ZFAND6: variants seen among roughly 807,000 people sequenced by gnomAD.
ZFAND6 encodes zinc finger AN1-type containing 6, also known as AN1-type zinc finger protein 6.
In ZFAND6, 12 loss-of-function variants were observed where a neutral mutation model predicts 24.5. That is an observed-to-expected ratio of 0.49 (90% confidence interval 0.31 to 0.79). The LOEUF (loss-of-function observed/expected upper bound fraction) is 0.79. Ranked by LOEUF, ZFAND6 falls within the 30% of genes least tolerant of loss-of-function variation. ZFAND6 has a pLI of 0.04. For missense variants in ZFAND6, 207 were observed against 245.9 expected, an observed-to-expected ratio of 0.84 and a Z score of 1.06; for synonymous variants, 92 against 81.5, an observed-to-expected ratio of 1.13 and a Z score of -0.69.
chr15:80,119,178 A>G (rs1223693418), intron 2 of ZFAND6, among the ~76,000 whole-genome samples: 3 of 152,178 alleles, frequency 2.0e-5, no homozygotes, highest in African/African-American at 7.2e-5. Context: ...CATCTGCTGT[A>G]ATTGATTATT....
chr15:80,126,674 A>G (rs1276417271), intron 5 of ZFAND6, among the ~76,000 whole-genome samples: 3 of 152,234 alleles, frequency 2.0e-5, no homozygotes, highest in African/African-American at 7.2e-5. Flanking sequence ...CGAATATAAG[A>G]GAACTATAAA....
At chr15:80,137,368 T>C in intron 6 of ZFAND6, 112 bp from the exon 7 acceptor site, 1 of 1,185,114 alleles carries the variant, frequency 8.4e-7, no homozygotes, top group Non-Finnish European at 1.2e-6. Context: ...TTTAGAATGA[T>C]TCTTTAGTTT....
rs1196911760 is a variant in ZFAND6 at position 80,121,692 on chromosome 15, G to T, written c.155-20G>T. On this transcript the variant is annotated intron_variant, in intron 3 of 6. Coordinates refer to ENST00000261749, the MANE Select transcript of ZFAND6 (RefSeq NM_019006.4). ...GCTGAGCATATAGAATCACTAATAC[G>T]CAATGTGGTACTGTTACAGCAACCT... 5.6e-6 allele frequency: 9 copies of T among 1,598,428 alleles called. No homozygotes were observed. The highest frequency in any genetic ancestry group is 2.7e-5 in the African/African-American group (2 of 74,556).
At chr15:80,063,112 A>C (rs2036423157) in intron 1 of ZFAND6, among the ~76,000 whole-genome samples, 1 of 152,178 alleles carries the variant, frequency 6.6e-6, no homozygotes, top group Non-Finnish European at 1.5e-5. Context: ...GAAACCTCTT[A>C]CTGTGGCTTA....
chr15:80,104,691 G>A (rs548644039), intron 2 of ZFAND6, among the ~76,000 whole-genome samples: 4 of 152,156 alleles, frequency 2.6e-5, no homozygotes, highest in South Asian at 2.1e-4. Flanking sequence ...TTCTTGAGTC[G>A]CTGATTTTGT....
At chr15:80,108,715 C>G (rs2039459207) in intron 2 of ZFAND6, among the ~76,000 whole-genome samples, 1 of 149,430 alleles carries the variant, frequency 6.7e-6, no homozygotes, top group Admixed American at 6.9e-5. Flanking sequence ...GAGCATGAGG[C>G]CAGGCATCCT....
rs201061212 is a variant in ZFAND6 at position 80,091,636 on chromosome 15, TAA to T, written c.-180-6771_-180-6770del. On this transcript the variant is annotated intron_variant, in intron 1 of 6. Coordinates refer to ENST00000261749, the MANE Select transcript of ZFAND6 (RefSeq NM_019006.4). ...TACAAATTTTTAATATATTTACTAT[TAA>T]AAAAAAAACTTTTTTTAAGAGACAG... 4.8e-3 allele frequency among the ~76,000 whole-genome samples: 701 copies of T among 147,028 alleles called. 7 individuals carry two copies. Among genetic ancestry groups the T allele is most frequent in the African/African-American group, 0.017 (673 of 40,126 alleles).
intron 1 of ZFAND6, chr15:80,075,316 G>A (rs891611366): frequency 1.2e-5 from 3 of 256,154 alleles, no homozygotes; most frequent in East Asian, 1.6e-4. Context: ...AGAGATAAAG[G>A]TAATTGTAAA....
intron 1 of ZFAND6, among the ~76,000 whole-genome samples, chr15:80,092,063 G>T (rs1007860607): frequency 3.3e-5 from 5 of 152,056 alleles, no homozygotes; most frequent in Non-Finnish European, 5.9e-5. Context: ...TGATGTTTTT[G>T]TATTTAGTTT....
chr15:80,071,000 T>C (rs1415133932), intron 1 of ZFAND6, among the ~76,000 whole-genome samples: 1 of 152,226 alleles, frequency 6.6e-6, no homozygotes. Flanking sequence ...TTCAAAACAG[T>C]GAATCCTTGC....
intron 1 of ZFAND6, among the ~76,000 whole-genome samples, chr15:80,084,736 T>G (rs1342856043): frequency 6.6e-6 from 1 of 152,226 alleles, no homozygotes; most frequent in Admixed American, 6.5e-5. Context: ...ATTGAAGGTT[T>G]TTGCTTTTAC....
At chr15:80,101,904 T>C (rs1467290441) in intron 2 of ZFAND6, among the ~76,000 whole-genome samples, 2 of 148,874 alleles carry the variant, frequency 1.3e-5, no homozygotes, top group Non-Finnish European at 3.0e-5. Context: ...GCCCTTCTCC[T>C]GCCTTAGCTT....
In ZFAND6 at chr15:80,089,782, C is replaced by G. The variant is rs1278506798; in HGVS notation, c.-180-8634C>G. Among the ~76,000 whole-genome samples, 3 of 152,210 alleles carry G rather than the reference C, an allele frequency of 2.0e-5. 1 individual carries two copies. The highest frequency in any genetic ancestry group is 4.8e-5 in the African/African-American group (2 of 41,542). On this transcript the variant is annotated intron_variant, in intron 1 of 6. Coordinates refer to ENST00000261749, the MANE Select transcript of ZFAND6 (RefSeq NM_019006.4). ...CTGGACCTTGACTGCTGTCTGGATGCTTGAACTATGTTTTCCTTTTTATTT... is the reference window on the plus strand; with the variant it reads ...CTGGACCTTGACTGCTGTCTGGATGGTTGAACTATGTTTTCCTTTTTATTT...
At chr15:80,103,885 G>A (rs755508958) in intron 2 of ZFAND6, among the ~76,000 whole-genome samples, 7 of 152,090 alleles carry the variant, frequency 4.6e-5, no homozygotes, top group Admixed American at 2.0e-4. Context: ...GTCTTGCTCT[G>A]TCACCTATGC....
rs115830674 is a variant in ZFAND6, at chr15:80,063,868, A to G, written c.-181+4059A>G. Among the ~76,000 whole-genome samples the G allele has an allele frequency of 4.8e-3, 735 of 152,256 alleles. 10 individuals are homozygous for G. The highest frequency in any genetic ancestry group is 0.017 in the African/African-American group (706 of 41,550). ...ACCCGGCCTAAATTTTTATGTTTTT[A>G]GTAGAGACCGCGTTTCACCATGTTG... On this transcript the variant is annotated intron_variant, in intron 1 of 6. Coordinates refer to ENST00000261749, the MANE Select transcript of ZFAND6 (RefSeq NM_019006.4).
chr15:80,107,825 GGAGAGGA>G (rs937867902), intron 2 of ZFAND6, among the ~76,000 whole-genome samples: 2 of 150,510 alleles, frequency 1.3e-5, no homozygotes, highest in Admixed American at 1.3e-4. Flanking sequence ...GTCGAAAAGA[GGAGAGGA>G]GAGGGGAGAG....
intron 2 of ZFAND6, among the ~76,000 whole-genome samples, chr15:80,102,577 T>C (rs570011689): frequency 1.2e-4 from 18 of 152,354 alleles, no homozygotes; most frequent in African/African-American, 4.1e-4. Flanking sequence ...AGATTTCTTA[T>C]CTAGAAGCAC....
chr15:80,101,134 A>G (rs1006388576), intron 2 of ZFAND6, among the ~76,000 whole-genome samples: 1 of 152,214 alleles, frequency 6.6e-6, no homozygotes, highest in Non-Finnish European at 1.5e-5. Flanking sequence ...CAATTAAGGT[A>G]TCATAAGAAA....
At chr15:80,114,652 G>C (rs999726405) in intron 2 of ZFAND6, among the ~76,000 whole-genome samples, 6 of 152,118 alleles carry the variant, frequency 3.9e-5, no homozygotes, top group Admixed American at 3.9e-4. Context: ...AGGAAAGTAG[G>C]TTTAAATGAC....
Sources: gnomAD v4.1 joint callset for allele counts (sites outside exome capture counted in the v4.1 genomes callset) on GRCh38, gnomAD v4.1.1 for gene constraint, MANE v1.5 for transcripts, NCBI Gene and HGNC (gene_info 2026-07-23, HGNC 2026-07-21) for gene names.